UTP25: variants seen among roughly 807,000 people sequenced by gnomAD.
UTP25 encodes the protein UTP25 small subunit processome component.
In UTP25, 50 loss-of-function variants were observed where a neutral mutation model predicts 78.9. That is an observed-to-expected ratio of 0.63 (90% confidence interval 0.50 to 0.80). The LOEUF is 0.80. Ranked by LOEUF, UTP25 falls within the 30% of genes least tolerant of loss-of-function variation. UTP25 has a pLI of 0.00. For synonymous variants in UTP25, 329 were observed against 336.5 expected, an observed-to-expected ratio of 0.98 and a Z score of 0.24; for missense variants, 846 against 911.3, an observed-to-expected ratio of 0.93 and a Z score of 0.92.
intron 11 of UTP25, among the ~76,000 whole-genome samples, chr1:209,847,023 G>A (rs1224445890): frequency 1.4e-5 from 2 of 145,024 alleles, no homozygotes; most frequent in Admixed American, 6.9e-5. Context: ...ACATGCACAC[G>A]TGCACACACA....
intron 11 of UTP25, among the ~76,000 whole-genome samples, chr1:209,846,104 T>C (rs542455200): frequency 3.9e-5 from 6 of 152,166 alleles, no homozygotes; most frequent in Non-Finnish European, 7.4e-5. Context: ...ATCTGCGCAC[T>C]TCAGCCTCCC....
In UTP25 at chr1:209,836,975, AC is replaced by A. The variant is rs750214623; in HGVS notation, c.832del (p.Leu278SerfsTer7). Reference protein sequence around the residue: ...SGPQKSSSPFTPLQKELFLIM... With the variant: ...SGPQKSSSPFXPLQKELFLIM... ...TCCCCAAAAATCAAGCAGCCCATTCACCCCCCTCCAGAAAGAACTCTTCTTA... is the reference window on the plus strand; with the variant it reads ...TCCCCAAAAATCAAGCAGCCCATTCACCCCCTCCAGAAAGAACTCTTCTTA... On this transcript the variant is annotated frameshift_variant, in exon 6 of 12. Coordinates refer to ENST00000491415, the MANE Select transcript of UTP25 (RefSeq NM_014388.7). LOFTEE classifies it high-confidence loss of function. The A allele has an allele frequency of 3.1e-6, 5 of 1,613,292 alleles. No homozygotes were observed. In the African/African-American group the frequency reaches 5.4e-5, roughly 17 times the overall value.
At position 209,856,828 on chromosome 1, in the gene UTP25, C is replaced by T. The variant is rs150873089; in HGVS notation, c.*5381C>T. On this transcript the variant is annotated 3_prime_UTR_variant, in exon 12 of 12. Transcript: ENST00000491415. ...GTCTCTGCTAGCAGTTCTGACGTGT[C>T]CATTCCACACTGGATCCATAGAACG... is the stretch of plus-strand genomic sequence containing the variant. The T allele has an allele frequency of 4.8e-4, 73 of 152,352 alleles. No individual in the cohort carries two copies. Among genetic ancestry groups the T allele is most frequent in the African/African-American group, 1.6e-3 (67 of 41,586 alleles). The allele number at this position is 152,352 out of a possible 1,614,324, so 9.4% of individuals were successfully genotyped here.
rs1050527256 is a variant in UTP25, at chr1:209,851,555, G to T, written c.*108G>T. ...CAGAAGAAGGACTGATACAAAGAAA[G>T]TGCATGAGGCAATGTCAGTATTATC... On this transcript the variant is annotated 3_prime_UTR_variant, in exon 12 of 12. Coordinates refer to ENST00000491415, the MANE Select transcript of UTP25 (RefSeq NM_014388.7). The T allele has an allele frequency of 4.3e-6, 6 of 1,389,256 alleles. No individual in the cohort carries two copies. The highest frequency in any genetic ancestry group is 1.5e-5 in the South Asian group (1 of 67,070). 86.1% of individuals were successfully genotyped at this position (1,389,256 alleles called of 1,614,324 possible). A position where few individuals can be genotyped will look rare whatever the true frequency, so the allele number is the denominator to read the frequency against.
At position 209,851,526 on chromosome 1, in the gene UTP25, C is replaced by CA; in HGVS notation, c.*79_*80insA. 1 of 1,487,748 alleles carries CA rather than the reference C, an allele frequency of 6.7e-7. No individual in the cohort carries two copies. The highest frequency in any genetic ancestry group is 9.0e-7 in the Non-Finnish European group (1 of 1,110,758). The allele number at this position is 1,487,748 out of a possible 1,614,324, so 92.2% of individuals were successfully genotyped here. A position where few individuals can be genotyped will look rare whatever the true frequency, so the allele number is the denominator to read the frequency against. On this transcript the variant is annotated 3_prime_UTR_variant, in exon 12 of 12. Transcript: ENST00000491415. ...TGCCATTTGGACCCAATTCTGATTA[C>CA]TTACAGAAGAAGGACTGATACAAAG...
chr1:209,837,315 G>A, intron 6 of UTP25, 104 bp downstream of exon 6: 1 of 1,343,810 alleles, frequency 7.4e-7, no homozygotes, highest in South Asian at 1.5e-5. Context: ...ATAATTGACT[G>A]GCATAATGAA....
At position 209,842,221 on chromosome 1, in the gene UTP25, A is replaced by G. The variant is rs1236754595; in HGVS notation, c.1486-44A>G. The G allele has an allele frequency of 5.4e-6, 8 of 1,493,064 alleles. No homozygotes were observed. In the South Asian group the frequency reaches 9.2e-5, roughly 17 times the overall value. 92.5% of individuals were successfully genotyped at this position (1,493,064 alleles called of 1,614,324 possible). On this transcript the variant is annotated intron_variant, in intron 8 of 11. Coordinates refer to ENST00000491415, the MANE Select transcript of UTP25 (RefSeq NM_014388.7). ...ATGTTTAGCAATGTCCAACATGTAAATGCTCTCAGTCAACACTAATGGTAA... is the reference window on the plus strand; with the variant it reads ...ATGTTTAGCAATGTCCAACATGTAAGTGCTCTCAGTCAACACTAATGGTAA...
At position 209,841,009 on chromosome 1, in the gene UTP25, T is replaced by C; in HGVS notation, c.1439T>C (p.Ile480Thr). 6.2e-7 allele frequency: 1 copy of C among 1,614,080 alleles called. No individual in the cohort carries two copies. The highest frequency in any genetic ancestry group is 8.5e-7 in the Non-Finnish European group (1 of 1,179,956). ...CTGTCTTCTATCGAGCTTCTCATCA[T>C]TGATCAAGCTGACATTTACCTGATG... ...DFLSSIELLI[I>T]DQADIYLMQN... Residue 480 changes from isoleucine (I) to threonine (T), a missense_variant, in exon 8 of 12, where the codon ATT becomes ACT. Ile to Thr is a moderately conservative substitution (Grantham distance 89). Coordinates refer to ENST00000491415, the MANE Select transcript of UTP25 (RefSeq NM_014388.7).
Position 209,842,620 on chromosome 1 carries a change from G to A in UTP25, c.1706G>A (p.Ser569Asn). The A allele has an allele frequency of 6.2e-7, 1 of 1,613,956 alleles. No homozygotes were observed. Residue 569 changes from serine (S) to asparagine (N), a missense_variant, in exon 10 of 12, where the codon AGT becomes AAT. Transcript: ENST00000491415. ...AATGTCCCAATGACAGGCTCTATCA[G>A]TCATGTCCTGGTGCAGCTCCCACAT... Reference protein sequence around the residue: ...VRNVPMTGSISHVLVQLPHVF... With the variant: ...VRNVPMTGSINHVLVQLPHVF...
At chr1:209,829,646 G>T (rs2078091966) in intron 1 of UTP25, among the ~76,000 whole-genome samples, 1 of 97,090 alleles carries the variant, frequency 1.0e-5, no homozygotes, top group African/African-American at 3.9e-5. Context: ...ACAACTCCGG[G>T]CTAATTTTTC....
chr1:209,844,137 A>C (rs922070447), intron 11 of UTP25: 3 of 167,634 alleles, frequency 1.8e-5, no homozygotes, highest in Admixed American at 5.7e-5. Context: ...GTACAGTGTC[A>C]GTTTCCAGAC....
intron 4 of UTP25, 113 bp from the exon 5 acceptor site, chr1:209,834,962 A>G (rs568653324): frequency 1.8e-5 from 14 of 771,520 alleles, no homozygotes; most frequent in East Asian, 9.0e-5. Flanking sequence ...GGGAAAGTCA[A>G]TGGAGAAAAG....
chr1:209,844,651 AAAAACC>A (rs888236924), intron 11 of UTP25: 3 of 155,256 alleles, frequency 1.9e-5, no homozygotes, highest in Non-Finnish European at 2.8e-5. Flanking sequence ...AAAAAAAAAA[AAAAACC>A]AACTCTAATT....
chr1:209,845,073 C>T (rs886203469), intron 11 of UTP25, among the ~76,000 whole-genome samples: 2 of 152,196 alleles, frequency 1.3e-5, no homozygotes, highest in Admixed American at 6.5e-5. Context: ...TATGCTAAAA[C>T]GATTAGGATG....
intron 7 of UTP25, among the ~76,000 whole-genome samples, chr1:209,840,035 G>A (rs145861036): frequency 2.0e-5 from 3 of 152,318 alleles, no homozygotes; most frequent in Admixed American, 6.5e-5. Context: ...GCCTGTTGCA[G>A]AGGCATCAGG....
intron 7 of UTP25, among the ~76,000 whole-genome samples, chr1:209,839,358 C>A (rs2078153429): frequency 6.6e-6 from 1 of 152,130 alleles, no homozygotes; most frequent in South Asian, 2.1e-4. Context: ...ATGAAAGGCA[C>A]ATGTACATTT....
chr1:209,828,549 C>A (rs1291024085), intron 1 of UTP25, among the ~76,000 whole-genome samples: 1 of 150,342 alleles, frequency 6.7e-6, no homozygotes, highest in African/African-American at 2.4e-5. Context: ...ATTACAGGCG[C>A]CCGCCACCAA....
intron 4 of UTP25, among the ~76,000 whole-genome samples, chr1:209,834,639 C>A (rs1319407204): frequency 6.6e-6 from 1 of 152,148 alleles, no homozygotes; most frequent in Non-Finnish European, 1.5e-5. Context: ...CACAGTAAGC[C>A]TGGGAAGTAT....
At position 209,842,608 on chromosome 1, in the gene UTP25, C is replaced by G. The variant is rs765489524; in HGVS notation, c.1694C>G (p.Thr565Arg). ...GTGGCCGTGAGGAATGTCCCAATGA[C>G]AGGCTCTATCAGTCATGTCCTGGTG... Reference protein sequence around the residue: ...GQVAVRNVPMTGSISHVLVQL... With the variant: ...GQVAVRNVPMRGSISHVLVQL... The change falls in exon 10 of 12, where the codon ACA becomes AGA. Residue 565 changes from threonine to arginine, a missense_variant. Thr to Arg is a moderately conservative substitution (Grantham distance 71, BLOSUM62 -1). Transcript: ENST00000491415. 10 of 1,613,736 alleles carry G rather than the reference C, an allele frequency of 6.2e-6. No individual in the cohort carries two copies. The Admixed American group carries it at 1.5e-4, about 24-fold the overall frequency.
Sources: gnomAD v4.1 joint callset for allele counts (sites outside exome capture counted in the v4.1 genomes callset) on GRCh38, gnomAD v4.1.1 for gene constraint, MANE v1.5 for transcripts, NCBI Gene and HGNC (gene_info 2026-07-23, HGNC 2026-07-21) for gene names.